The following VPS13B variants were observed in gnomAD, a reference collection of about 807,000 sequenced individuals.
The protein encoded by VPS13B is vacuolar protein sorting 13 homolog B.
In VPS13B, 285 loss-of-function variants were observed where a neutral mutation model predicts 426.4. The observed-to-expected ratio is 0.67, with a 90% CI of 0.61 to 0.74. The LOEUF is 0.74. Ranked by LOEUF, VPS13B falls within the 30% of genes least tolerant of loss-of-function variation. VPS13B has a pLI of 0.00. For missense variants in VPS13B, 4,537 were observed against 4,782.6 expected (o/e 0.95, Z 1.51); for synonymous variants, 1,676 against 1,676.4 (o/e 1.00, Z 0.01).
chr8:99,103,918 G>C (rs1244466506), intron 5 of VPS13B, among the ~76,000 whole-genome samples: 2 of 152,134 alleles, frequency 1.3e-5, no homozygotes, highest in Admixed American at 1.3e-4. Context: ...TTACAGGAAT[G>C]AGCCACCATA....
intron 40 of VPS13B, among the ~76,000 whole-genome samples, chr8:99,769,996 C>T (rs80318201): frequency 6.6e-6 from 1 of 151,752 alleles, no homozygotes; most frequent in African/African-American, 2.4e-5. Context: ...TGTCTCCACA[C>T]AAAAATTTAA....
At chr8:99,514,229 C>T (rs1305988794) in intron 29 of VPS13B, among the ~76,000 whole-genome samples, 1 of 152,050 alleles carries the variant, frequency 6.6e-6, no homozygotes, top group East Asian at 1.9e-4. Context: ...GCAAAATTTG[C>T]CTATAAATGT....
At chr8:99,327,985 A>G (rs1227832398) in intron 19 of VPS13B, among the ~76,000 whole-genome samples, 1 of 152,228 alleles carries the variant, frequency 6.6e-6, no homozygotes, top group African/African-American at 2.4e-5. Context: ...CTTTTAAAGT[A>G]GAAGTCCCCG....
intron 58 of VPS13B, among the ~76,000 whole-genome samples, chr8:99,863,823 C>T (rs561112263): frequency 1.3e-5 from 2 of 152,300 alleles, no homozygotes; most frequent in East Asian, 1.9e-4. Context: ...GGTCTTTCTG[C>T]ATATCTGGTA....
intron 31 of VPS13B, among the ~76,000 whole-genome samples, chr8:99,573,660 T>G (rs918215594): frequency 3.9e-5 from 6 of 152,200 alleles, no homozygotes; most frequent in African/African-American, 7.2e-5. Flanking sequence ...TTGGTCTATA[T>G]CTCTGTTTTG....
chr8:99,742,425 A>G lies in VPS13B; in HGVS notation c.7050+21378A>G, dbSNP rs191736579. 3.3e-3 allele frequency among the ~76,000 whole-genome samples: 497 copies of G among 152,336 alleles called. 2 individuals are homozygous for G. The highest frequency in any genetic ancestry group is 5.6e-3 in the Non-Finnish European group (384 of 68,032). On this transcript the variant is annotated intron_variant, in intron 39 of 61. Transcript: ENST00000357162. The stretch of plus-strand genomic sequence containing the variant: ...GGAGGAGCTGGTACCATTCCTTCTG[A>G]AACTATTCCAATCAATAGAAAAACA...
At chr8:99,675,472 A>G (rs1244246953) in intron 35 of VPS13B, among the ~76,000 whole-genome samples, 1 of 152,018 alleles carries the variant, frequency 6.6e-6, no homozygotes, top group African/African-American at 2.4e-5. Context: ...AGCTTCTTGT[A>G]CCTGAATATT....
In VPS13B at chr8:99,641,884, G is replaced by A; in HGVS notation, c.5294G>A (p.Gly1765Asp). The change falls in exon 34 of 62, where the codon GGT becomes GAT. Residue 1765 changes from glycine (G) to aspartate (D), a missense_variant. This residue lies in a region of VPS13B where 4,311 missense variants were observed against 4,474.3 expected (regional missense o/e 0.96). Transcript: ENST00000357162. ...GMAETSSRYS[G>D]AQDSGIGSDS... ...GCTGAAACCTCATCTCGCTACAGTG[G>A]TGCTCAGGATAGTGGAATTGGCAGT... 6.2e-7 allele frequency: 1 copy of A among 1,614,064 alleles called. No homozygotes were observed. Among genetic ancestry groups the A allele is most frequent in the Non-Finnish European group, 8.5e-7 (1 of 1,180,000 alleles).
At position 99,778,801 on chromosome 8, in the gene VPS13B, G is replaced by A. The variant is rs946554822; in HGVS notation, c.7549G>A (p.Val2517Ile). 1.2e-6 allele frequency: 2 copies of A among 1,613,988 alleles called. No homozygotes were observed. Among genetic ancestry groups the A allele is most frequent in the South Asian group, 1.1e-5 (1 of 91,084 alleles). ...MYLRQWNNGS[V>I]CQEIQFLAQA... ...TCTTCGACAGTGGAATAATGGTTCT[G>A]TCTGTCAGGAGATCCAGTTCTTAGC... The change falls in exon 42 of 62, where the codon GTC becomes ATC. Residue 2517 changes from valine to isoleucine, a missense_variant. Around this residue, in one of 2 missense-constraint regions of VPS13B, gnomAD observed 4,311 missense variants for 4,474.3 expected, o/e 0.96. Coordinates refer to ENST00000357162, the MANE Select transcript of VPS13B (RefSeq NM_152564.5).
chr8:99,378,473 G>A (rs564799093), intron 19 of VPS13B, among the ~76,000 whole-genome samples: 8 of 152,186 alleles, frequency 5.3e-5, no homozygotes, highest in Non-Finnish European at 1.2e-4. Flanking sequence ...AGTAAAGACA[G>A]GCATAGGAAA....
At position 99,481,792 on chromosome 8, in the gene VPS13B, C is replaced by T. The variant is rs966120122; in HGVS notation, c.3860C>T (p.Thr1287Ile). The T allele has an allele frequency of 2.5e-6, 4 of 1,613,676 alleles. No homozygotes were observed. Among genetic ancestry groups the T allele is most frequent in the Non-Finnish European group, 3.4e-6 (4 of 1,179,772 alleles). ...TGCAGCCCATCTGCTGACATTGGGA[C>T]TACTACTGAGGTAAGTGTTTTTGAA... Reference protein sequence around the residue: ...STCSPSADIGTTTEGDSIQAG... With the variant: ...STCSPSADIGITTEGDSIQAG... The change falls in exon 25 of 62, where the codon ACT (threonine) becomes ATT (isoleucine). Residue 1287 changes from threonine to isoleucine, a missense_variant. Around this residue, in one of 2 missense-constraint regions of VPS13B, gnomAD observed 4,311 missense variants for 4,474.3 expected, o/e 0.96. Coordinates refer to ENST00000357162, the MANE Select transcript of VPS13B (RefSeq NM_152564.5).
At chr8:99,739,094 C>T (rs556276685) in intron 39 of VPS13B, among the ~76,000 whole-genome samples, 52 of 152,314 alleles carry the variant, frequency 3.4e-4, no homozygotes, top group African/African-American at 8.4e-4. Context: ...GGGTGACAGA[C>T]GGCACCTGGA....
chr8:99,378,598 A>G (rs571873496), intron 19 of VPS13B, among the ~76,000 whole-genome samples: 2 of 152,322 alleles, frequency 1.3e-5, no homozygotes, highest in South Asian at 4.1e-4. Context: ...TTGGAGAACT[A>G]ACAAATGTCC....
chr8:99,044,341 C>T lies in VPS13B; in HGVS notation c.291+5775C>T, dbSNP rs1053039786. Among the ~76,000 whole-genome samples the T allele has an allele frequency of 2.6e-5, 4 of 151,666 alleles. No individual in the cohort carries two copies. In the East Asian group the frequency reaches 7.7e-4, roughly 29 times the overall value. On this transcript the variant is annotated intron_variant, in intron 3 of 61. Transcript: ENST00000357162. ...CTTGTGATCCGCCCACCTCAGCCTC[C>T]GAAAGTGCTGAGATTACAGGCTTGA...
chr8:99,130,748 A>G (rs1809741051), intron 8 of VPS13B, among the ~76,000 whole-genome samples: 1 of 152,188 alleles, frequency 6.6e-6, no homozygotes, highest in South Asian at 2.1e-4. Context: ...AGAGGGATCA[A>G]TTTAAAAAAA....
At chr8:99,815,719 A>G (rs970208911) in intron 44 of VPS13B, among the ~76,000 whole-genome samples, 2 of 152,148 alleles carry the variant, frequency 1.3e-5, no homozygotes, top group African/African-American at 2.4e-5. Flanking sequence ...TGAAAGTCCT[A>G]TTTTCTCCAA....
intron 56 of VPS13B, 73 bp from the exon 57 acceptor site, chr8:99,859,231 G>A: frequency 1.9e-6 from 3 of 1,575,814 alleles, no homozygotes; most frequent in Non-Finnish European, 2.6e-6. Context: ...AGGGAAAATG[G>A]GTCACTTTTT....
chr8:99,780,409 G>A (rs532714590), intron 42 of VPS13B, among the ~76,000 whole-genome samples: 4 of 152,214 alleles, frequency 2.6e-5, no homozygotes, highest in African/African-American at 9.6e-5. Flanking sequence ...AGAAATACCA[G>A]TTTCCTCCCA....
chr8:99,789,483 T>C (rs1812439292), intron 43 of VPS13B, among the ~76,000 whole-genome samples: 2 of 152,144 alleles, frequency 1.3e-5, no homozygotes, highest in Admixed American at 6.5e-5. Flanking sequence ...ATGGAATTGG[T>C]ACTTTATTTC....
Sources: gnomAD v4.1 joint callset for allele counts (sites outside exome capture counted in the v4.1 genomes callset) on GRCh38, gnomAD v4.1.1 for gene constraint, gnomAD v4.1.1 regional missense constraint, MANE v1.5 for transcripts, NCBI Gene and HGNC (gene_info 2026-07-23, HGNC 2026-07-21) for gene names.